The following CRB1 variants were observed in gnomAD, a reference collection of about 807,000 sequenced individuals.
The protein encoded by CRB1 is crumbs cell polarity complex component 1, also known as protein crumbs homolog 1.
CRB1 carries 83 observed loss-of-function variants against 120.0 expected under a neutral mutation model. The ratio of observed to expected loss-of-function variants is 0.69; its 90% CI spans 0.58 to 0.83. The LOEUF is 0.83. Among genes scored for constraint, CRB1 ranks in the 40% least tolerant of loss-of-function variants. CRB1 has a pLI of 0.00. For synonymous variants in CRB1, 625 were observed against 612.5 expected (o/e 1.02, Z -0.30); for missense variants, 1,699 against 1,687.6 (o/e 1.01, Z -0.12).
chr1:197,335,922 CTCT>C (rs1455260519), intron 2 of CRB1, among the ~76,000 whole-genome samples: 2 of 72,620 alleles, frequency 2.8e-5, no homozygotes, highest in Non-Finnish European at 7.5e-5. Flanking sequence ...TCTCTCTGCC[CTCT>C]ATTGCCCTCT....
the CRB1 span, among the ~76,000 whole-genome samples, chr1:197,244,425 T>C: frequency 1.3e-5 from 2 of 152,068 alleles, no homozygotes; most frequent in Admixed American, 1.3e-4. Context: ...AAATATTTTT[T>C]TTTCTGAATA....
chr1:197,315,212 C>T (rs1657769376), intron 1 of CRB1, among the ~76,000 whole-genome samples: 1 of 152,046 alleles, frequency 6.6e-6, no homozygotes, highest in Non-Finnish European at 1.5e-5. Context: ...TAGTTGTTTA[C>T]ATCAGGAGGG....
chr1:197,228,654 CCT>C, the CRB1 span, among the ~76,000 whole-genome samples: 1 of 152,192 alleles, frequency 6.6e-6, no homozygotes, highest in African/African-American at 2.4e-5. Context: ...ACTGTTCCAA[CCT>C]CTGCCTGATA....
the CRB1 span, among the ~76,000 whole-genome samples, chr1:197,230,013 A>T: frequency 3.9e-5 from 6 of 152,214 alleles, no homozygotes; most frequent in Admixed American, 2.6e-4. Flanking sequence ...AGCATTTATA[A>T]TATGTTCAGC....
intron 11 of CRB1, among the ~76,000 whole-genome samples, chr1:197,475,384 T>C (rs1338627569): frequency 6.6e-6 from 1 of 152,154 alleles, no homozygotes; most frequent in Non-Finnish European, 1.5e-5. Context: ...ATCCTTCCTC[T>C]CTTCCCCACT....
chr1:197,382,902 C>A (rs1042102261), intron 5 of CRB1, among the ~76,000 whole-genome samples: 1 of 152,140 alleles, frequency 6.6e-6, no homozygotes, highest in Non-Finnish European at 1.5e-5. Context: ...CGTTTTGCAG[C>A]TCTCCTAACC....
chr1:197,442,520 A>C (rs1235244308), intron 11 of CRB1: 1 of 1,454,240 alleles, frequency 6.9e-7, no homozygotes, highest in African/African-American at 1.4e-5. Flanking sequence ...AATAAAAACC[A>C]TCTCAATAAT....
At chr1:197,406,588 TA>T (rs1244595491) in intron 5 of CRB1, among the ~76,000 whole-genome samples, 1 of 152,114 alleles carries the variant, frequency 6.6e-6, no homozygotes, top group Non-Finnish European at 1.5e-5. Context: ...AATAAATAAA[TA>T]AAAAATAATG....
intron 5 of CRB1, among the ~76,000 whole-genome samples, chr1:197,389,889 A>G (rs759076789): frequency 4.6e-5 from 7 of 151,980 alleles, no homozygotes; most frequent in Non-Finnish European, 8.8e-5. Flanking sequence ...TCCAGGAGCC[A>G]CTCCACCAAA....
chr1:197,268,605 G>GA, intron 1 of CRB1, 123 bp downstream of exon 1: 1 of 666,104 alleles, frequency 1.5e-6, no homozygotes, highest in East Asian at 3.1e-5. Context: ...GTTTTTATTT[G>GA]TTTTTTTTTT....
intron 1 of CRB1, among the ~76,000 whole-genome samples, chr1:197,289,902 T>C (rs1656067672): frequency 1.3e-5 from 2 of 151,586 alleles, no homozygotes; most frequent in South Asian, 4.1e-4. Flanking sequence ...ATATATCTTC[T>C]CTAAAGTTAT....
chr1:197,408,447 G>C (rs1268918926), intron 5 of CRB1, among the ~76,000 whole-genome samples: 1 of 152,144 alleles, frequency 6.6e-6, no homozygotes, highest in Non-Finnish European at 1.5e-5. Flanking sequence ...GCTGGGAGAT[G>C]AATAAAAGCC....
At chr1:197,449,240 A>G (rs999674351) in intron 11 of CRB1, among the ~76,000 whole-genome samples, 1 of 152,160 alleles carries the variant, frequency 6.6e-6, no homozygotes, top group Non-Finnish European at 1.5e-5. Flanking sequence ...CCTTTTGTAT[A>G]TAAGTTTCAT....
upstream of CRB1, chr1:197,268,095 T>G (rs942855965): frequency 1.7e-5 from 6 of 346,162 alleles, no homozygotes; most frequent in Non-Finnish European, 1.1e-5. Flanking sequence ...ATGTAGGCCC[T>G]TTTGAGGAGG....
chr1:197,354,322 C>G (rs1348312202), intron 4 of CRB1, among the ~76,000 whole-genome samples: 3 of 152,188 alleles, frequency 2.0e-5, no homozygotes, highest in Non-Finnish European at 4.4e-5. Context: ...AACGCTTACA[C>G]AGACAGCCAT....
intron 9 of CRB1, among the ~76,000 whole-genome samples, chr1:197,437,096 G>A (rs866407384): frequency 2.6e-4 from 40 of 151,998 alleles, no homozygotes; most frequent in Admixed American, 8.5e-4. Context: ...CTAAATAATT[G>A]AGTCATTATG....
At chr1:197,304,170 G>A (rs896782014) in intron 1 of CRB1, among the ~76,000 whole-genome samples, 5 of 152,004 alleles carry the variant, frequency 3.3e-5, no homozygotes, top group African/African-American at 1.2e-4. Context: ...AGGTCATTAT[G>A]AATACCAACT....
chr1:197,245,012 T>A, the CRB1 span, among the ~76,000 whole-genome samples: 1 of 152,170 alleles, frequency 6.6e-6, no homozygotes, highest in South Asian at 2.1e-4. Context: ...TATTTTTAGT[T>A]CTAAATTTTT....
chr1:197,248,927 A>G, the CRB1 span, among the ~76,000 whole-genome samples: 37 of 151,968 alleles, frequency 2.4e-4, no homozygotes, highest in African/African-American at 8.9e-4. Flanking sequence ...CTACGGTTAG[A>G]TTTCTCAAAA....
Sources: allele counts gnomAD v4.1 joint callset (sites outside exome capture counted in the v4.1 genomes callset), GRCh38; gene constraint gnomAD v4.1.1; transcripts MANE v1.5; gene names NCBI Gene and HGNC (gene_info 2026-07-23, HGNC 2026-07-21).